ZBBX: variants seen among roughly 807,000 people sequenced by gnomAD.
ZBBX encodes the protein zinc finger B-box domain containing.
ZBBX carries 101 observed loss-of-function variants against 108.5 expected under a neutral mutation model. That is an observed-to-expected ratio of 0.93 (90% CI 0.79 to 1.10). The LOEUF (loss-of-function observed/expected upper bound fraction) is 1.10, where lower values mean the gene tolerates loss of function less well. Ranked by LOEUF, ZBBX falls within the 50% of genes least tolerant of loss-of-function variation. The pLI, the probability that ZBBX is intolerant of heterozygous loss-of-function variation, is 0.00. For missense variants in ZBBX, 1,009 were observed against 941.4 expected (o/e 1.07, Z -0.94); for synonymous variants, 356 against 323.4 (o/e 1.10, Z -1.08).
chr3:167,306,856 T>C (rs1733730820), intron 16 of ZBBX, among the ~76,000 whole-genome samples: 1 of 152,200 alleles, frequency 6.6e-6, no homozygotes, highest in African/African-American at 2.4e-5. Context: ...AATATCTCTA[T>C]AAGTAGACTA....
chr3:167,381,161 C>G (rs1426315064), upstream of ZBBX, among the ~76,000 whole-genome samples: 1 of 151,826 alleles, frequency 6.6e-6, no homozygotes, highest in Non-Finnish European at 1.5e-5. Context: ...CTATGCCTGC[C>G]AATACCCATT....
chr3:167,372,185 T>G (rs1268363482), intron 4 of ZBBX, among the ~76,000 whole-genome samples: 1 of 151,630 alleles, frequency 6.6e-6, no homozygotes, highest in Admixed American at 6.6e-5. Context: ...CACTCCAGCC[T>G]GGGTGAGGGA....
At chr3:167,287,860 C>A (rs540000581) in intron 19 of ZBBX, among the ~76,000 whole-genome samples, 2 of 152,066 alleles carry the variant, frequency 1.3e-5, no homozygotes, top group South Asian at 4.2e-4. Context: ...GACAGATTCT[C>A]AACATAAATG....
At chr3:167,322,757 T>C (rs1015370707) in intron 11 of ZBBX, among the ~76,000 whole-genome samples, 1 of 152,052 alleles carries the variant, frequency 6.6e-6, no homozygotes, top group African/African-American at 2.4e-5. Context: ...TATTCAGAGA[T>C]ATTTAAAACT....
Position 167,335,684 on chromosome 3 carries a change from A to G in ZBBX, c.529-1699T>C, listed in dbSNP as rs1245138479. 2.6e-5 allele frequency among the ~76,000 whole-genome samples: 4 copies of G among 151,536 alleles called. No homozygotes were observed. The South Asian group carries it at 8.4e-4, about 32-fold the overall frequency. On this transcript the variant is annotated intron_variant, in intron 9 of 21. Transcript: ENST00000675490. Reference sequence around the variant, plus strand: ...TTACATTGAAACTTTTTCAGTTATGACATTTGTAAATCTATTAAGATTCAT... The same window carrying G: ...TTACATTGAAACTTTTTCAGTTATGGCATTTGTAAATCTATTAAGATTCAT...
intron 17 of ZBBX, among the ~76,000 whole-genome samples, chr3:167,300,350 C>A (rs756474510): frequency 3.3e-5 from 5 of 151,832 alleles, no homozygotes; most frequent in Non-Finnish European, 5.9e-5. Context: ...TTTAGTCTCA[C>A]CTAATTGAAA....
Position 167,307,522 on chromosome 3 carries a change from A to G in ZBBX, c.1418-1572T>C, listed in dbSNP as rs540704238. Among the ~76,000 whole-genome samples, 3 of 152,312 alleles carry G rather than the reference A, an allele frequency of 2.0e-5. No individual in the cohort carries two copies. In the East Asian group the frequency reaches 5.8e-4, roughly 29 times the overall value. ...AGCTCCAATAGCTAAGGCAATCCTA[A>G]GCAAAAAGAGCAAAACTGGAGGCAT... is the stretch of plus-strand genomic sequence containing the variant. On this transcript the variant is annotated intron_variant, in intron 16 of 21. Transcript: ENST00000675490.
At chr3:167,352,684 G>A (rs1742862094) in intron 8 of ZBBX, among the ~76,000 whole-genome samples, 1 of 149,758 alleles carries the variant, frequency 6.7e-6, no homozygotes, top group Admixed American at 6.7e-5. Context: ...AAACTTAAGA[G>A]TCCAATACCA....
At chr3:167,310,898 T>C (rs1482514347) in intron 16 of ZBBX, among the ~76,000 whole-genome samples, 4 of 152,214 alleles carry the variant, frequency 2.6e-5, no homozygotes, top group Non-Finnish European at 5.9e-5. Flanking sequence ...GAAGATTTAA[T>C]ATTGTTAAGA....
chr3:167,245,654 G>A (rs1721442062), intron 20 of ZBBX, among the ~76,000 whole-genome samples: 2 of 152,166 alleles, frequency 1.3e-5, no homozygotes, highest in South Asian at 4.2e-4. Flanking sequence ...GAGTTCTCAT[G>A]AGATCTGGTT....
the ZBBX span, among the ~76,000 whole-genome samples, chr3:167,211,744 T>C: frequency 6.6e-6 from 1 of 152,010 alleles, no homozygotes; most frequent in Admixed American, 6.6e-5. Context: ...AGGTGCCTAA[T>C]CTGTTCCTCC....
At chr3:167,338,254 C>T (rs377016577) in intron 9 of ZBBX, among the ~76,000 whole-genome samples, 5 of 152,194 alleles carry the variant, frequency 3.3e-5, no homozygotes, top group African/African-American at 1.2e-4. Context: ...ATGATATTAT[C>T]TTTCAAATTA....
chr3:167,243,820 A>G (rs1390150887), intron 20 of ZBBX, among the ~76,000 whole-genome samples: 1 of 131,680 alleles, frequency 7.6e-6, no homozygotes, highest in African/African-American at 3.0e-5. Flanking sequence ...AGATTTCCCT[A>G]CTGAAAGTAA....
the ZBBX span, among the ~76,000 whole-genome samples, chr3:167,209,336 G>A: frequency 6.6e-6 from 1 of 151,944 alleles, no homozygotes; most frequent in Non-Finnish European, 1.5e-5. Context: ...CAGTGCTGGT[G>A]GCCACAGGGG....
At chr3:167,285,629 G>C (rs1317208379) in intron 19 of ZBBX, among the ~76,000 whole-genome samples, 1 of 152,068 alleles carries the variant, frequency 6.6e-6, no homozygotes, top group African/African-American at 2.4e-5. Flanking sequence ...CAAAATTCAG[G>C]AACTGGATAG....
chr3:167,373,114 C>T (rs1308460385), intron 3 of ZBBX, 164 bp from the exon 4 acceptor site: 2 of 428,136 alleles, frequency 4.7e-6, no homozygotes, highest in African/African-American at 2.0e-5. Context: ...CCTTTGTCCC[C>T]TTCAGCCACA....
intron 14 of ZBBX, 33 bp downstream of exon 14, chr3:167,316,972 T>A: frequency 7.6e-7 from 1 of 1,312,990 alleles, no homozygotes; most frequent in East Asian, 2.4e-5. Context: ...CTGTTAAAAA[T>A]CATGAATGGT....
At chr3:167,308,149 G>A (rs4955787) in intron 16 of ZBBX, among the ~76,000 whole-genome samples, 48,970 of 152,024 alleles carry the variant, frequency 0.32, 8,364 homozygotes, top group East Asian at 0.66. Flanking sequence ...AGTGGGCAAA[G>A]ACATGAGCAG....
intron 18 of ZBBX, among the ~76,000 whole-genome samples, chr3:167,290,356 G>A (rs1310072583): frequency 6.6e-6 from 1 of 152,178 alleles, no homozygotes; most frequent in Non-Finnish European, 1.5e-5. Context: ...CCAGAGGAAG[G>A]AACAGGCAGC....
Sources: allele counts gnomAD v4.1 joint callset (sites outside exome capture counted in the v4.1 genomes callset), GRCh38; gene constraint gnomAD v4.1.1; transcripts MANE v1.5; gene names NCBI Gene and HGNC (gene_info 2026-07-23, HGNC 2026-07-21).